The following RMND5A variants were observed in gnomAD, a reference collection of about 807,000 sequenced individuals.
The protein encoded by RMND5A is E3 ubiquitin-protein transferase RMND5A.
A neutral mutation model predicts 49.7 loss-of-function variants in RMND5A; 17 were observed. That is an observed-to-expected ratio of 0.34 (90% CI 0.23 to 0.51). RMND5A has a LOEUF of 0.51. RMND5A is among the 20% of genes least tolerant of loss of function. The pLI, the probability that RMND5A is intolerant of heterozygous loss-of-function variation, is 0.96. For missense variants in RMND5A, 255 were observed against 471.3 expected (o/e 0.54, Z 4.25); for synonymous variants, 156 against 167.7 (o/e 0.93, Z 0.54).
intron 4 of RMND5A, among the ~76,000 whole-genome samples, chr2:86,763,809 T>C (rs998746208): frequency 2.0e-5 from 3 of 151,310 alleles, no homozygotes; most frequent in African/African-American, 7.3e-5. Flanking sequence ...TGTCAGCAGG[T>C]TTACCTGACT....
chr2:86,759,763 G>A (rs1681815428), intron 4 of RMND5A, among the ~76,000 whole-genome samples: 1 of 151,808 alleles, frequency 6.6e-6, no homozygotes, highest in Non-Finnish European at 1.5e-5. Flanking sequence ...TCACGCCACT[G>A]TACTCCAGCC....
At chr2:86,773,257 T>C in intron 8 of RMND5A, 91 bp from the exon 9 acceptor site, 1 of 671,724 alleles carries the variant, frequency 1.5e-6, no homozygotes, top group Non-Finnish European at 2.6e-6. Flanking sequence ...TATGTGTGTA[T>C]AATTGTTAAA....
intron 2 of RMND5A, among the ~76,000 whole-genome samples, chr2:86,749,872 A>G (rs1298017904): frequency 6.6e-6 from 1 of 152,196 alleles, no homozygotes; most frequent in Non-Finnish European, 1.5e-5. Context: ...GATAGGGTAG[A>G]TAGCTGTTTA....
At chr2:86,720,844 C>G in intron 1 of RMND5A, 35 bp downstream of exon 1, 2 of 1,539,754 alleles carry the variant, frequency 1.3e-6, no homozygotes, top group Non-Finnish European at 1.7e-6. Context: ...GGGGCATGGC[C>G]CACTGCCCGA....
intron 4 of RMND5A, among the ~76,000 whole-genome samples, chr2:86,755,941 A>G (rs982127576): frequency 5.3e-5 from 8 of 152,296 alleles, no homozygotes; most frequent in Admixed American, 3.3e-4. Flanking sequence ...GTCTTAACCT[A>G]TTCAACCCTC....
intron 6 of RMND5A, among the ~76,000 whole-genome samples, chr2:86,769,521 A>G (rs377444567): frequency 1.3e-5 from 2 of 152,182 alleles, no homozygotes; most frequent in Non-Finnish European, 2.9e-5. Flanking sequence ...TGCTAAAACT[A>G]CTGTATTTGG....
chr2:86,772,799 C>T (rs745550979), intron 8 of RMND5A, among the ~76,000 whole-genome samples: 2 of 152,036 alleles, frequency 1.3e-5, no homozygotes, highest in Non-Finnish European at 2.9e-5. Flanking sequence ...TTCGCCATGT[C>T]GCTCAGGCTG....
At chr2:86,773,295 A>G in intron 8 of RMND5A, 53 bp from the exon 9 acceptor site, 2 of 967,618 alleles carry the variant, frequency 2.1e-6, no homozygotes, top group South Asian at 1.5e-5. Context: ...TAAAAATTGA[A>G]TACACAGTAC....
Position 86,721,109 on chromosome 2 carries a change from G to A in RMND5A, c.142+300G>A, listed in dbSNP as rs188711221. ...GGGCCGCCCATCGCACCTGCAAACT[G>A]CCGACCCCCGAGTGGGCGCCCCTCG... On this transcript the variant is annotated intron_variant, in intron 1 of 8. Coordinates refer to ENST00000283632, the MANE Select transcript of RMND5A (RefSeq NM_022780.4). 1,653 of 288,646 alleles carry A rather than the reference G, an allele frequency of 5.7e-3. 62 individuals are homozygous for A. The highest frequency in any genetic ancestry group is 0.035 in the African/African-American group (1,515 of 43,824). The allele number at this position is 288,646 out of a possible 1,614,324, so 17.9% of individuals were successfully genotyped here.
chr2:86,767,425 CTT>C lies in RMND5A; in HGVS notation c.854+1421_854+1422del, dbSNP rs11468234. On this transcript the variant is annotated intron_variant, in intron 6 of 8. Transcript: ENST00000283632. ...TACGCACACTCAGGTTTTTGGCAGT[CTT>C]TTTTTTTTTTTTTTTTTTTGTCTTT... Among the ~76,000 whole-genome samples, 564 of 139,460 alleles carry C rather than the reference CTT, an allele frequency of 4.0e-3. 2 individuals are homozygous for C. The highest frequency in any genetic ancestry group is 0.014 in the African/African-American group (524 of 37,500). 91.5% of individuals were successfully genotyped at this position (139,460 alleles called of 152,430 possible).
intron 1 of RMND5A, among the ~76,000 whole-genome samples, chr2:86,724,261 A>G (rs1177423310): frequency 3.1e-5 from 3 of 95,878 alleles, no homozygotes; most frequent in Admixed American, 1.1e-4. Context: ...TGAAGAGGCA[A>G]TAAGAACCAG....
intron 1 of RMND5A, among the ~76,000 whole-genome samples, chr2:86,721,754 C>T (rs1276069764): frequency 6.6e-6 from 1 of 150,426 alleles, no homozygotes; most frequent in African/African-American, 2.5e-5. Flanking sequence ...GCTGAGGGGG[C>T]TTTTCAGCTT....
chr2:86,732,709 A>T (rs1195775751), intron 1 of RMND5A, among the ~76,000 whole-genome samples: 1 of 147,256 alleles, frequency 6.8e-6, no homozygotes, highest in Non-Finnish European at 1.5e-5. Flanking sequence ...GTTTCATTGC[A>T]TCTTTGACAA....
chr2:86,733,794 CT>C (rs1346685206), intron 1 of RMND5A, among the ~76,000 whole-genome samples: 26 of 131,338 alleles, frequency 2.0e-4, no homozygotes, highest in Non-Finnish European at 1.9e-4. Context: ...TAGTGCAGGA[CT>C]TTCTTCTGGG....
At chr2:86,768,371 AC>A (rs1414872516) in intron 6 of RMND5A, among the ~76,000 whole-genome samples, 1 of 152,222 alleles carries the variant, frequency 6.6e-6, no homozygotes, top group Admixed American at 6.5e-5. Flanking sequence ...GGTGCATTCC[AC>A]AGGGTGCTCC....
chr2:86,765,312 C>T, intron 5 of RMND5A, 119 bp downstream of exon 5: 1 of 880,814 alleles, frequency 1.1e-6, no homozygotes, highest in Non-Finnish European at 1.7e-6. Flanking sequence ...AGTTGATAAT[C>T]ACTTACAGGA....
At chr2:86,754,653 A>G (rs1014255625) in intron 4 of RMND5A, among the ~76,000 whole-genome samples, 1 of 151,096 alleles carries the variant, frequency 6.6e-6, no homozygotes, top group African/African-American at 2.4e-5. Context: ...TCCAGCCCCA[A>G]CCCCCCAACC....
intron 4 of RMND5A, among the ~76,000 whole-genome samples, chr2:86,760,445 A>G (rs1032194019): frequency 5.3e-5 from 8 of 152,350 alleles, no homozygotes; most frequent in Admixed American, 2.6e-4. Flanking sequence ...GCTGCCAACA[A>G]CACAGTTCAG....
At position 86,774,175 on chromosome 2, in the gene RMND5A, A is replaced by G. The variant is rs1222978555; in HGVS notation, c.*764A>G. On this transcript the variant is annotated 3_prime_UTR_variant, in exon 9 of 9. Transcript: ENST00000283632. ...GCCAAGAGGTGCTTGTTTTAAAAGT[A>G]TGTTTAATAAAATGAAATTCTAAAG... 1 of 152,666 alleles carries G rather than the reference A, an allele frequency of 6.6e-6. No homozygotes were observed. The highest frequency in any genetic ancestry group is 2.4e-5 in the African/African-American group (1 of 41,466). The allele number at this position is 152,666 out of a possible 1,614,324, so 9.5% of individuals were successfully genotyped here.
Sources: allele counts gnomAD v4.1 joint callset (sites outside exome capture counted in the v4.1 genomes callset), GRCh38; gene constraint gnomAD v4.1.1; transcripts MANE v1.5; gene names NCBI Gene and HGNC (gene_info 2026-07-23, HGNC 2026-07-21).